The following KMT5A variants were observed in gnomAD, a reference collection of about 807,000 sequenced individuals.
KMT5A encodes the protein lysine methyltransferase 5A, also known as N-lysine methyltransferase KMT5A.
In KMT5A, 6 loss-of-function variants were observed where a neutral mutation model predicts 40.6. The ratio of observed to expected loss-of-function variants is 0.15; its 90% CI spans 0.08 to 0.29. The LOEUF (loss-of-function observed/expected upper bound fraction) is 0.29, where lower values mean the gene tolerates loss of function less well. Among genes scored for constraint, KMT5A ranks in the 10% least tolerant of loss-of-function variants. KMT5A has a pLI of 1.00. For missense variants in KMT5A, 308 were observed against 459.1 expected (o/e 0.67, Z 3.01); for synonymous variants, 153 against 178.8 (o/e 0.86, Z 1.15).
At chr12:123,406,706 C>G (rs990639831) in intron 7 of KMT5A, among the ~76,000 whole-genome samples, 1 of 152,080 alleles carries the variant, frequency 6.6e-6, no homozygotes, top group East Asian at 1.9e-4. Context: ...CCCATCCCCC[C>G]ACCCAGGGCC....
rs1362818154 is a variant in KMT5A at position 123,408,519 on chromosome 12, A to AAAAC, written c.*819_*822dup. The AAAAC allele has an allele frequency of 2.6e-5, 4 of 151,410 alleles. No individual in the cohort carries two copies. Among genetic ancestry groups the AAAAC allele is most frequent in the African/African-American group, 7.3e-5 (3 of 41,342 alleles). The allele number at this position is 151,410 out of a possible 1,614,324, so 9.4% of individuals were successfully genotyped here. On this transcript the variant is annotated 3_prime_UTR_variant, in exon 8 of 8. Coordinates refer to ENST00000402868, the MANE Select transcript of KMT5A (RefSeq NM_020382.7). ...AAATTAAAAATAAAAAAAACCACAG[A>AAAAC]AAACAACTTTACATGTATATAGGTC...
At chr12:123,392,114 G>A (rs182015111) in intron 3 of KMT5A, among the ~76,000 whole-genome samples, 3 of 152,302 alleles carry the variant, frequency 2.0e-5, no homozygotes, top group Admixed American at 1.3e-4. Flanking sequence ...TGGTTGCAGC[G>A]TGGATGCCAA....
Position 123,407,944 on chromosome 12 carries a change from C to T in KMT5A, c.*241C>T, listed in dbSNP as rs899825565. 1 of 506,830 alleles carries T rather than the reference C, an allele frequency of 2.0e-6. No homozygotes were observed. The allele number at this position is 506,830 out of a possible 1,614,324, so 31.4% of individuals were successfully genotyped here. On this transcript the variant is annotated 3_prime_UTR_variant, in exon 8 of 8. Transcript: ENST00000402868. ...CTTTTATATTCTAGTTGTTTTTGTA[C>T]TTTTTTTGCATACAAGCCGAACGTT...
intron 5 of KMT5A, among the ~76,000 whole-genome samples, chr12:123,398,177 G>A (rs1170372673): frequency 6.6e-6 from 1 of 152,038 alleles, no homozygotes; most frequent in East Asian, 2.0e-4. Context: ...AGCTACTTGG[G>A]AGGCTGAGAT....
intron 7 of KMT5A, among the ~76,000 whole-genome samples, chr12:123,405,457 C>A (rs1296427448): frequency 6.7e-6 from 1 of 148,886 alleles, no homozygotes; most frequent in Non-Finnish European, 1.5e-5. Context: ...AGGTGTGAGC[C>A]ACTGCGCTCG....
At chr12:123,398,357 G>T (rs1877898207) in intron 5 of KMT5A, among the ~76,000 whole-genome samples, 1 of 152,144 alleles carries the variant, frequency 6.6e-6, no homozygotes, top group Non-Finnish European at 1.5e-5. Flanking sequence ...CCCAGCCAGG[G>T]TTGGAGCTGC....
chr12:123,387,847 C>A (rs777335754), intron 1 of KMT5A, among the ~76,000 whole-genome samples: 2 of 152,210 alleles, frequency 1.3e-5, no homozygotes, highest in African/African-American at 2.4e-5. Flanking sequence ...CATGAGGACA[C>A]TGAGGCCCAG....
intron 5 of KMT5A, among the ~76,000 whole-genome samples, chr12:123,396,874 T>A (rs1173524471): frequency 6.6e-6 from 1 of 152,212 alleles, no homozygotes; most frequent in African/African-American, 2.4e-5. Flanking sequence ...GCTGGTTGCG[T>A]AGCCTTGGGC....
chr12:123,392,124 A>G (rs1409825335), intron 3 of KMT5A, among the ~76,000 whole-genome samples: 6 of 152,232 alleles, frequency 3.9e-5, no homozygotes, highest in Non-Finnish European at 7.4e-5. Context: ...GTGGATGCCA[A>G]AGGGCTTTGT....
chr12:123,389,453 C>T lies in KMT5A; in HGVS notation c.31C>T (p.Arg11Cys), dbSNP rs112525458. MARGRKMSKP[R>C]AVEAAAAAAA... ...TCCAGGCAGGAAGATGTCCAAGCCC[C>T]GCGCGGTGGAGGCGGCGGCGGCGGC... The change falls in exon 2 of 8, where the codon CGC (arginine) becomes TGC (cysteine). Residue 11 changes from arginine to cysteine, a missense_variant. Transcript: ENST00000402868. 9.1e-7 allele frequency: 1 copy of T among 1,098,980 alleles called. No homozygotes were observed. Among genetic ancestry groups the T allele is most frequent in the Non-Finnish European group, 1.1e-6 (1 of 908,614 alleles). 68.1% of individuals were successfully genotyped at this position (1,098,980 alleles called of 1,614,324 possible).
chr12:123,390,986 T>C, intron 3 of KMT5A, 200 bp downstream of exon 3: 2 of 585,336 alleles, frequency 3.4e-6, no homozygotes, highest in Non-Finnish European at 6.0e-6. Flanking sequence ...TTTTCCCTGC[T>C]TTCACAAGAG....
At chr12:123,389,963 C>G (rs1009100352) in intron 2 of KMT5A, 1 of 432,316 alleles carries the variant, frequency 2.3e-6, no homozygotes, top group African/African-American at 2.0e-5. Context: ...CAGAGGCGCC[C>G]GCAGTGACCT....
intron 5 of KMT5A, among the ~76,000 whole-genome samples, chr12:123,403,287 A>C (rs998990762): frequency 2.0e-5 from 3 of 152,374 alleles, no homozygotes; most frequent in Admixed American, 2.0e-4. Flanking sequence ...TGCATGGGCA[A>C]CAGAACATAT....
chr12:123,400,772 A>C (rs1385780450), intron 5 of KMT5A, among the ~76,000 whole-genome samples: 2 of 152,198 alleles, frequency 1.3e-5, no homozygotes, highest in East Asian at 3.8e-4. Context: ...GCTAAGTAAC[A>C]ACCAACATTG....
intron 2 of KMT5A, chr12:123,389,943 G>T (rs1385557289): frequency 4.9e-6 from 2 of 411,134 alleles, no homozygotes; most frequent in African/African-American, 4.1e-5. Flanking sequence ...CAGAGGAGGG[G>T]CCCCACGCCC....
chr12:123,385,947 C>G (rs1283650843), intron 1 of KMT5A, among the ~76,000 whole-genome samples: 2 of 152,144 alleles, frequency 1.3e-5, no homozygotes, highest in Non-Finnish European at 2.9e-5. Flanking sequence ...TTGTTATTCT[C>G]ATTTTTTGGA....
intron 3 of KMT5A, among the ~76,000 whole-genome samples, chr12:123,394,362 CA>C (rs1173578034): frequency 2.6e-5 from 4 of 152,172 alleles, no homozygotes; most frequent in African/African-American, 9.7e-5. Flanking sequence ...CTCGGCTTCC[CA>C]AAGTGCTGGG....
At chr12:123,400,297 A>T (rs1351603096) in intron 5 of KMT5A, among the ~76,000 whole-genome samples, 1 of 151,522 alleles carries the variant, frequency 6.6e-6, no homozygotes, top group Admixed American at 6.6e-5. Context: ...GGCCTCCCAA[A>T]GTGCTGGGAT....
rs1869729695 is a variant in KMT5A at position 123,409,031 on chromosome 12, G to C, written c.*1328G>C. 1 of 152,664 alleles carries C rather than the reference G, an allele frequency of 6.6e-6. No homozygotes were observed. The highest frequency in any genetic ancestry group is 2.4e-5 in the African/African-American group (1 of 41,458). The allele number at this position is 152,664 out of a possible 1,614,324, so 9.5% of individuals were successfully genotyped here. A position where few individuals can be genotyped will look rare whatever the true frequency, so the allele number is the denominator to read the frequency against. The stretch of plus-strand genomic sequence containing the variant: ...CAGGGGGCCGGGGCTCAGGAGCCAT[G>C]ACCTGGTGTCTCCTGCCCACCCTGG... On this transcript the variant is annotated 3_prime_UTR_variant, in exon 8 of 8. Transcript: ENST00000402868.
Sources: gnomAD v4.1 joint callset for allele counts (sites outside exome capture counted in the v4.1 genomes callset) on GRCh38, gnomAD v4.1.1 for gene constraint, MANE v1.5 for transcripts, NCBI Gene and HGNC (gene_info 2026-07-23, HGNC 2026-07-21) for gene names.